Variants in CXXC5 observed in about 807,000 individuals in gnomAD.
CXXC5 encodes CXXC-type zinc finger protein 5.
Under a neutral mutation model 17.6 loss-of-function variants are expected in CXXC5, and 2 were observed. The observed-to-expected ratio is 0.11, with a 90% CI of 0.05 to 0.36. CXXC5 has a LOEUF of 0.36. CXXC5 is among the 10% of genes least tolerant of loss of function. The probability of loss-of-function intolerance (pLI) is 1.00; values close to 1 mark genes in which losing one functional copy is unlikely to be tolerated. For synonymous variants in CXXC5, 171 were observed against 193.0 expected, an observed-to-expected ratio of 0.89 and a Z score of 0.94; for missense variants, 343 against 458.3, an observed-to-expected ratio of 0.75 and a Z score of 2.30.
intron 1 of CXXC5, among the ~76,000 whole-genome samples, chr5:139,674,341 C>T (rs1756657464): frequency 6.6e-6 from 1 of 152,192 alleles, no homozygotes; most frequent in African/African-American, 2.4e-5. Context: ...AGCCTGTCTG[C>T]GTATTTTGCC....
chr5:139,651,454 C>T (rs1172466606), intron 1 of CXXC5, among the ~76,000 whole-genome samples: 1 of 152,262 alleles, frequency 6.6e-6, no homozygotes, highest in Middle Eastern at 3.4e-3. Flanking sequence ...CCGGCCAGCA[C>T]AGGCCCATGT....
At chr5:139,678,466 C>T (rs1756986214) in intron 1 of CXXC5, among the ~76,000 whole-genome samples, 2 of 152,206 alleles carry the variant, frequency 1.3e-5, no homozygotes, top group Admixed American at 1.3e-4. Context: ...TCCTCCTCAC[C>T]CATTTCCCTC....
At chr5:139,651,027 G>GA (rs1755144392) in intron 1 of CXXC5, 1 of 152,284 alleles carries the variant, frequency 6.6e-6, no homozygotes, top group African/African-American at 2.4e-5. Context: ...AGCTGAAGGA[G>GA]ATTGGCCTCC....
rs1035087193 is a variant in CXXC5 at position 139,670,926 on chromosome 5, C to T, written c.-160-9438C>T. Among the ~76,000 whole-genome samples, 1 of 152,254 alleles carries T rather than the reference C, an allele frequency of 6.6e-6. No individual in the cohort carries two copies. Among genetic ancestry groups the T allele is most frequent in the African/African-American group, 2.4e-5 (1 of 41,466 alleles). Reference sequence around the variant, plus strand: ...CACCTCCCAGGTAGACACGCGAAAACACACTGTATGCATTGCTCTCGTCAC... The same window carrying T: ...CACCTCCCAGGTAGACACGCGAAAATACACTGTATGCATTGCTCTCGTCAC... On this transcript the variant is annotated intron_variant, in intron 1 of 2. Transcript: ENST00000302517. The surrounding 1 kb of genome is among the most constrained non-coding windows in gnomAD (Gnocchi z 4.2).
chr5:139,654,366 G>C (rs1385621059), intron 1 of CXXC5, among the ~76,000 whole-genome samples: 2 of 152,160 alleles, frequency 1.3e-5, no homozygotes, highest in East Asian at 3.8e-4. Flanking sequence ...TGACATTTGG[G>C]CCAGTTGTGT....
chr5:139,648,040 G>A (rs1754956541), upstream of CXXC5: 1 of 151,508 alleles, frequency 6.6e-6, no homozygotes, highest in Admixed American at 6.6e-5. Context: ...CACCAAAGCG[G>A]GGAGGTCGTC....
chr5:139,673,556 GC>G (rs1756597974), intron 1 of CXXC5, among the ~76,000 whole-genome samples: 1 of 152,188 alleles, frequency 6.6e-6, no homozygotes, highest in South Asian at 2.1e-4. Context: ...ACAGAACAGA[GC>G]CTGGCTGGGT....
chr5:139,677,935 G>C (rs1257992189), intron 1 of CXXC5, among the ~76,000 whole-genome samples: 1 of 152,272 alleles, frequency 6.6e-6, no homozygotes, highest in Non-Finnish European at 1.5e-5. Flanking sequence ...CTGGAGCTGG[G>C]AGGAGGGAGG....
chr5:139,678,234 A>G (rs992422504), intron 1 of CXXC5, among the ~76,000 whole-genome samples: 1 of 152,226 alleles, frequency 6.6e-6, no homozygotes, highest in African/African-American at 2.4e-5. Context: ...ACAACTAGCC[A>G]GGGTCACTGA....
At position 139,680,808 on chromosome 5, in the gene CXXC5, C is replaced by G; in HGVS notation, c.285C>G (p.Ser95Arg). The change falls in exon 2 of 3, where the codon AGC (serine) becomes AGG (arginine). Residue 95 changes from serine (S) to arginine (R), a missense_variant. By Grantham distance (110) the Ser-to-Arg change is moderately radical (BLOSUM62 -1). This residue lies in a region of CXXC5 where 297 missense variants were observed against 363.4 expected (regional missense o/e 0.82). Coordinates refer to ENST00000302517, the MANE Select transcript of CXXC5 (RefSeq NM_016463.9). ...FGSSGGSGGG[S>R]MMGGESADKA... ...GCAGTGGTGGTAGTGGCGGTGGCAG[C>G]ATGATGGGCGGAGAGTCTGCTGACA... 1 of 1,612,786 alleles carries G rather than the reference C, an allele frequency of 6.2e-7. No individual in the cohort carries two copies.
rs1756215655 is a variant in CXXC5 at position 139,668,114 on chromosome 5, C to A, written c.-160-12250C>A. Among the ~76,000 whole-genome samples the A allele has an allele frequency of 1.3e-5, 2 of 152,146 alleles. No homozygotes were observed. The highest frequency in any genetic ancestry group is 4.1e-4 in the South Asian group (2 of 4,826). On this transcript the variant is annotated intron_variant, in intron 1 of 2. Transcript: ENST00000302517. This position sits in a 1 kb window ranked among gnomAD's most constrained non-coding sequence, Gnocchi z 4.1. Reference sequence around the variant, plus strand: ...CCAACCTCAGGTAGGGGGCCTGGCCCGAGGCAAAAACCTCCCCAAATTTCC... The same window carrying A: ...CCAACCTCAGGTAGGGGGCCTGGCCAGAGGCAAAAACCTCCCCAAATTTCC...
chr5:139,664,533 G>A (rs1304983509), intron 1 of CXXC5, among the ~76,000 whole-genome samples: 2 of 150,414 alleles, frequency 1.3e-5, no homozygotes, highest in Non-Finnish European at 2.9e-5. Flanking sequence ...TCACTTCATC[G>A]GGTTGACTTT....
At chr5:139,647,487 G>A (rs916488777), upstream of CXXC5, 2 of 152,262 alleles carry the variant, frequency 1.3e-5, no homozygotes, top group Admixed American at 6.5e-5. Context: ...CCTAAGATGG[G>A]CATATGGAGG....
At chr5:139,660,212 G>A (rs1028987191) in intron 1 of CXXC5, among the ~76,000 whole-genome samples, 6 of 152,346 alleles carry the variant, frequency 3.9e-5, no homozygotes, top group South Asian at 2.1e-4. Flanking sequence ...GCTCTGACAC[G>A]GGGAAGGGGG....
rs541502332 is a variant in CXXC5, at chr5:139,670,845, A to G, written c.-160-9519A>G. 2.0e-5 allele frequency among the ~76,000 whole-genome samples: 3 copies of G among 152,326 alleles called. No homozygotes were observed. The East Asian group carries it at 5.8e-4, about 29-fold the overall frequency. ...CTGTAGAGGGCGACATCTTGAGACT[A>G]CACACTCAACCGGGCACATTCACAG... On this transcript the variant is annotated intron_variant, in intron 1 of 2. Coordinates refer to ENST00000302517, the MANE Select transcript of CXXC5 (RefSeq NM_016463.9). This position sits in a 1 kb window ranked among gnomAD's most constrained non-coding sequence, Gnocchi z 4.2.
intron 1 of CXXC5, among the ~76,000 whole-genome samples, chr5:139,675,766 C>T (rs548991341): frequency 1.2e-4 from 18 of 152,260 alleles, no homozygotes; most frequent in African/African-American, 4.3e-4. Flanking sequence ...TTCTGTCTCC[C>T]GGGGTTCTGG....
intron 1 of CXXC5, among the ~76,000 whole-genome samples, chr5:139,673,380 T>C (rs1336525686): frequency 6.6e-6 from 1 of 152,180 alleles, no homozygotes; most frequent in African/African-American, 2.4e-5. Context: ...GAACCTGGCC[T>C]GAGGGAGGTG....
In CXXC5 at chr5:139,670,698, A is replaced by G. The variant is rs1198815124; in HGVS notation, c.-160-9666A>G. On this transcript the variant is annotated intron_variant, in intron 1 of 2. Coordinates refer to ENST00000302517, the MANE Select transcript of CXXC5 (RefSeq NM_016463.9). The surrounding 1 kb of genome is among the most constrained non-coding windows in gnomAD (Gnocchi z 4.2). ...CGCACACACGTGCACTTGGACATCC[A>G]TGTACATTCACAGACTTGGGTCGCA... 6.6e-6 allele frequency among the ~76,000 whole-genome samples: 1 copy of G among 152,220 alleles called. No individual in the cohort carries two copies. Among genetic ancestry groups the G allele is most frequent in the Non-Finnish European group, 1.5e-5 (1 of 68,040 alleles).
intron 1 of CXXC5, chr5:139,651,131 C>T (rs1755152707): frequency 6.6e-6 from 1 of 152,548 alleles, no homozygotes; most frequent in Non-Finnish European, 1.5e-5. Flanking sequence ...CCTAGTCAGC[C>T]TTGGCCTCCC....
Sources: gnomAD v4.1 joint callset for allele counts (sites outside exome capture counted in the v4.1 genomes callset) on GRCh38, gnomAD v4.1.1 for gene constraint, gnomAD v4.1.1 regional missense constraint, Gnocchi (gnomAD v3.1) non-coding constraint, MANE v1.5 for transcripts, NCBI Gene and HGNC (gene_info 2026-07-23, HGNC 2026-07-21) for gene names.